LINGO2: variants seen among roughly 807,000 people sequenced by gnomAD.
LINGO2 encodes the protein leucine rich repeat and Ig domain containing 2.
LINGO2 carries 14 observed loss-of-function variants against 30.6 expected under a neutral mutation model. The observed-to-expected ratio is 0.46, with a 90% confidence interval of 0.30 to 0.72. LINGO2 has a LOEUF of 0.72. Among genes scored for constraint, LINGO2 ranks in the 30% least tolerant of loss-of-function variants. The pLI is 0.07. For synonymous variants in LINGO2, 317 were observed against 288.5 expected, an observed-to-expected ratio of 1.10 and a Z score of -1.00; for missense variants, 729 against 751.7, an observed-to-expected ratio of 0.97 and a Z score of 0.35.
the LINGO2 span, among the ~76,000 whole-genome samples, chr9:29,197,101 G>C: frequency 6.6e-6 from 1 of 151,998 alleles, no homozygotes; most frequent in Non-Finnish European, 1.5e-5. Flanking sequence ...ATTTTACAAA[G>C]TCCAATTCTG....
At chr9:27,991,235 C>A (rs1205741678) in intron 5 of LINGO2, among the ~76,000 whole-genome samples, 2 of 152,030 alleles carry the variant, frequency 1.3e-5, no homozygotes, top group Non-Finnish European at 2.9e-5. Flanking sequence ...ACGGCAACAA[C>A]AACAACAACA....
At chr9:28,323,215 A>G (rs1455502382) in intron 3 of LINGO2, among the ~76,000 whole-genome samples, 2 of 152,200 alleles carry the variant, frequency 1.3e-5, no homozygotes, top group Non-Finnish European at 2.9e-5. Context: ...ACAGTTTAAA[A>G]TCTGTGGGCC....
chr9:28,151,256 T>G (rs1827992083), intron 4 of LINGO2, among the ~76,000 whole-genome samples: 1 of 152,086 alleles, frequency 6.6e-6, no homozygotes, highest in African/African-American at 2.4e-5. Context: ...TTCATTATAG[T>G]AAGAGATTGA....
intron 1 of LINGO2, among the ~76,000 whole-genome samples, chr9:28,556,229 T>C (rs1197457151): frequency 6.6e-6 from 1 of 152,186 alleles, no homozygotes. Flanking sequence ...GACGACATGA[T>C]TGTATATCTA....
At chr9:28,824,875 T>C in the LINGO2 span, among the ~76,000 whole-genome samples, 16 of 152,306 alleles carry the variant, frequency 1.1e-4, no homozygotes, top group Non-Finnish European at 1.8e-4. Flanking sequence ...TGGACTAACT[T>C]GTAGTATGAC....
rs150897202 is a variant in LINGO2, at chr9:28,041,452, T to C, written c.-86-29047A>G. ...ATTGTCCTTCCTTGAATAAAAATAATGCTAGGTATGTAGAATATAGAGGGG... is the reference window on the plus strand; with the variant it reads ...ATTGTCCTTCCTTGAATAAAAATAACGCTAGGTATGTAGAATATAGAGGGG... On this transcript the variant is annotated intron_variant, in intron 4 of 5. Transcript: ENST00000379992. Among the ~76,000 whole-genome samples, 1,373 of 152,206 alleles carry C rather than the reference T, an allele frequency of 9.0e-3. 23 individuals carry two copies. Among genetic ancestry groups the C allele is most frequent in the African/African-American group, 0.032 (1,318 of 41,542 alleles).
chr9:28,294,506 A>G (rs1447791575), intron 4 of LINGO2, among the ~76,000 whole-genome samples: 2 of 152,212 alleles, frequency 1.3e-5, no homozygotes, highest in Non-Finnish European at 2.9e-5. Flanking sequence ...ATTATGGACA[A>G]CATATTTAAT....
intron 1 of LINGO2, among the ~76,000 whole-genome samples, chr9:28,547,244 T>A (rs1389173428): frequency 6.6e-6 from 1 of 152,142 alleles, no homozygotes; most frequent in Non-Finnish European, 1.5e-5. Context: ...GGCATACATC[T>A]TTTTCTATAA....
the LINGO2 span, among the ~76,000 whole-genome samples, chr9:29,141,103 A>C: frequency 6.6e-6 from 1 of 152,046 alleles, no homozygotes; most frequent in African/African-American, 2.4e-5. Context: ...TGAAGCATAG[A>C]TTGCTAGCAA....
chr9:28,420,251 C>T, intron 2 of LINGO2, among the ~76,000 whole-genome samples: 1 of 152,072 alleles, frequency 6.6e-6, no homozygotes, highest in Non-Finnish European at 1.5e-5. Context: ...AAACTTATTT[C>T]TCCTTCAGGC....
the LINGO2 span, among the ~76,000 whole-genome samples, chr9:28,948,511 A>T: frequency 6.6e-6 from 1 of 151,920 alleles, no homozygotes; most frequent in South Asian, 2.1e-4. Flanking sequence ...CAATTTTCTG[A>T]CTCTCGCTCT....
At chr9:28,575,854 G>A (rs1466671262) in intron 1 of LINGO2, among the ~76,000 whole-genome samples, 2 of 151,424 alleles carry the variant, frequency 1.3e-5, no homozygotes, top group Admixed American at 1.3e-4. Context: ...GAAGCATTTT[G>A]TATATATTAT....
chr9:28,836,707 A>G, the LINGO2 span, among the ~76,000 whole-genome samples: 3 of 151,536 alleles, frequency 2.0e-5, no homozygotes, highest in South Asian at 2.1e-4. Flanking sequence ...TAAGAGCTTA[A>G]TACATCAGAA....
chr9:28,149,797 C>A (rs926173775), intron 4 of LINGO2, among the ~76,000 whole-genome samples: 15 of 149,766 alleles, frequency 1.0e-4, no homozygotes, highest in Non-Finnish European at 8.9e-5. Context: ...GGCCTCCATC[C>A]CATCTGGGAA....
chr9:28,553,601 C>A (rs1822447074), intron 1 of LINGO2, among the ~76,000 whole-genome samples: 1 of 152,072 alleles, frequency 6.6e-6, no homozygotes, highest in Non-Finnish European at 1.5e-5. Context: ...AGAACTTCCT[C>A]AACCTAGCAA....
intron 4 of LINGO2, among the ~76,000 whole-genome samples, chr9:28,276,801 C>A (rs905788746): frequency 6.6e-6 from 1 of 152,020 alleles, no homozygotes; most frequent in African/African-American, 2.4e-5. Flanking sequence ...CCTTTTTGTT[C>A]TTTTATATTA....
chr9:29,059,113 C>T, the LINGO2 span, among the ~76,000 whole-genome samples: 1 of 151,558 alleles, frequency 6.6e-6, no homozygotes. Context: ...CTAAAGACTA[C>T]AAAATATTTA....
At chr9:29,024,321 C>T in the LINGO2 span, among the ~76,000 whole-genome samples, 3 of 152,008 alleles carry the variant, frequency 2.0e-5, no homozygotes, top group East Asian at 5.8e-4. Flanking sequence ...ATTCACAGCA[C>T]CATGGATAGA....
the LINGO2 span, among the ~76,000 whole-genome samples, chr9:29,173,872 G>C: frequency 6.6e-6 from 1 of 151,992 alleles, no homozygotes. Flanking sequence ...GAAAATAAGA[G>C]TAAATTTGTA....
Sources: gnomAD v4.1 joint callset for allele counts (sites outside exome capture counted in the v4.1 genomes callset) on GRCh38, gnomAD v4.1.1 for gene constraint, MANE v1.5 for transcripts, NCBI Gene and HGNC (gene_info 2026-07-23, HGNC 2026-07-21) for gene names.